The following SAMMSON variants were observed in gnomAD, a reference collection of about 807,000 sequenced individuals.
SAMMSON encodes the protein survival associated mitochondrial melanoma specific oncogenic non-coding RNA.
chr3:70,089,090 A>G (rs1031932619), intron 4 of SAMMSON, among the ~76,000 whole-genome samples: 1 of 152,176 alleles, frequency 6.6e-6, no homozygotes, highest in East Asian at 1.9e-4. Context: ...AAATGGGGCA[A>G]TAAAAGAGGA....
At chr3:70,210,039 C>T (rs867400186) in intron 4 of SAMMSON, among the ~76,000 whole-genome samples, 1 of 152,020 alleles carries the variant, frequency 6.6e-6, no homozygotes, top group South Asian at 2.1e-4. Context: ...AATTATCACA[C>T]GTAGTCAGGC....
At chr3:70,315,192 C>G (rs931837796) in intron 7 of SAMMSON, among the ~76,000 whole-genome samples, 3 of 152,066 alleles carry the variant, frequency 2.0e-5, no homozygotes, top group Admixed American at 6.6e-5. Flanking sequence ...TTCAATTTGG[C>G]TGATGTATTT....
intron 3 of SAMMSON, among the ~76,000 whole-genome samples, chr3:70,064,726 C>T (rs566141512): frequency 2.6e-5 from 4 of 152,090 alleles, no homozygotes; most frequent in South Asian, 4.2e-4. Context: ...AGTCATGGCG[C>T]GTCTTTGCTA....
intron 7 of SAMMSON, among the ~76,000 whole-genome samples, chr3:70,295,061 C>T (rs760067449): frequency 6.6e-6 from 1 of 152,112 alleles, no homozygotes; most frequent in Non-Finnish European, 1.5e-5. Context: ...TGATCTGTTG[C>T]CTAAAATTAT....
At chr3:70,237,626 T>C (rs999041344) in intron 4 of SAMMSON, among the ~76,000 whole-genome samples, 2 of 152,208 alleles carry the variant, frequency 1.3e-5, no homozygotes, top group African/African-American at 4.8e-5. Flanking sequence ...GTCCTACATA[T>C]AGTAAACTTG....
intron 4 of SAMMSON, among the ~76,000 whole-genome samples, chr3:70,234,815 G>T (rs1346605852): frequency 6.6e-6 from 1 of 151,980 alleles, no homozygotes; most frequent in African/African-American, 2.4e-5. Context: ...TTTTTAATTG[G>T]TGCTGCTTAA....
intron 4 of SAMMSON, among the ~76,000 whole-genome samples, chr3:70,118,797 A>G (rs937959937): frequency 6.6e-6 from 1 of 152,178 alleles, no homozygotes; most frequent in Non-Finnish European, 1.5e-5. Context: ...AGGTGAAGAA[A>G]CTGAGGCTCA....
intron 4 of SAMMSON, among the ~76,000 whole-genome samples, chr3:70,147,905 A>G (rs534884530): frequency 6.3e-4 from 96 of 152,236 alleles, no homozygotes; most frequent in African/African-American, 2.2e-3. Context: ...TACATTTCCA[A>G]CAAAGGACTT....
chr3:70,206,815 T>C (rs1701295910), intron 4 of SAMMSON: 2 of 397,284 alleles, frequency 5.0e-6, no homozygotes, highest in East Asian at 7.1e-5. Context: ...AAAAAACACA[T>C]ACAGAAACCC....
chr3:70,416,459 T>C (rs542061468), intron 2 of SAMMSON, among the ~76,000 whole-genome samples: 72 of 152,278 alleles, frequency 4.7e-4, no homozygotes, highest in African/African-American at 1.5e-3. Flanking sequence ...ACTGTAAATA[T>C]GCTATATCTT....
intron 7 of SAMMSON, among the ~76,000 whole-genome samples, chr3:70,295,036 G>A (rs1452689342): frequency 6.6e-6 from 1 of 152,108 alleles, no homozygotes; most frequent in Non-Finnish European, 1.5e-5. Context: ...ATTATTTGTT[G>A]CCTAAAATAA....
intron 4 of SAMMSON, among the ~76,000 whole-genome samples, chr3:70,236,197 C>G (rs543841158): frequency 6.6e-6 from 1 of 152,152 alleles, no homozygotes; most frequent in East Asian, 1.9e-4. Flanking sequence ...AAACTAAAAT[C>G]GACTTGGCCC....
At chr3:70,149,082 A>G (rs565280241) in intron 4 of SAMMSON, among the ~76,000 whole-genome samples, 2 of 152,116 alleles carry the variant, frequency 1.3e-5, no homozygotes, top group Admixed American at 6.6e-5. Flanking sequence ...AGCTTGATCT[A>G]TCAGGCTAGT....
At chr3:70,368,188 A>G (rs1301287136) in intron 9 of SAMMSON, among the ~76,000 whole-genome samples, 1 of 151,442 alleles carries the variant, frequency 6.6e-6, no homozygotes, top group Non-Finnish European at 1.5e-5. Flanking sequence ...CTCATCCTCA[A>G]ATTCAAAGAA....
rs566212585 is a variant in SAMMSON at position 70,349,802 on chromosome 3, CAG to C, written n.740-4372_740-4371del. Among the ~76,000 whole-genome samples the C allele has an allele frequency of 5.3e-5, 8 of 152,274 alleles. No homozygotes were observed. The East Asian group carries it at 1.5e-3, about 29-fold the overall frequency. On this transcript the variant is annotated intron_variant and non_coding_transcript_variant, in intron 7 of 9. Coordinates refer to ENST00000642114, the Ensembl canonical transcript of SAMMSON. ...TAAACAGATTATGCATGAGTTTACT[CAG>C]GGGACTGCTAGACCACTCAACAATA... is the stretch of plus-strand genomic sequence containing the variant.
chr3:70,274,991 G>A (rs995399463), intron 6 of SAMMSON, among the ~76,000 whole-genome samples: 1 of 152,062 alleles, frequency 6.6e-6, no homozygotes, highest in Non-Finnish European at 1.5e-5. Context: ...CTGTGAGAAT[G>A]AAGATTCTCA....
intron 4 of SAMMSON, among the ~76,000 whole-genome samples, chr3:70,158,316 TTG>T (rs1446785443): frequency 1.3e-5 from 2 of 152,126 alleles, no homozygotes; most frequent in Non-Finnish European, 2.9e-5. Context: ...ATATGGTATT[TTG>T]TGTTAGACTT....
At chr3:70,088,815 A>G (rs1211700859) in intron 4 of SAMMSON, among the ~76,000 whole-genome samples, 2 of 152,198 alleles carry the variant, frequency 1.3e-5, no homozygotes, top group African/African-American at 4.8e-5. Flanking sequence ...TCTATTGGTT[A>G]TGATTTTCTC....
chr3:70,236,965 G>GA (rs1230562707), intron 4 of SAMMSON, among the ~76,000 whole-genome samples: 3 of 152,138 alleles, frequency 2.0e-5, no homozygotes, highest in African/African-American at 7.2e-5. Flanking sequence ...TTTCTATTGT[G>GA]AAAAATCATA....
Sources: allele counts gnomAD v4.1 joint callset (sites outside exome capture counted in the v4.1 genomes callset), GRCh38; gene constraint gnomAD v4.1.1; transcripts MANE v1.5; gene names NCBI Gene and HGNC (gene_info 2026-07-23, HGNC 2026-07-21).